FSD2: variants seen among roughly 807,000 people sequenced by gnomAD.
FSD2 encodes fibronectin type III and SPRY domain containing 2, also known as fibronectin type III and SPRY domain-containing protein 2.
Under a neutral mutation model 80.4 loss-of-function variants are expected in FSD2, and 71 were observed. The ratio of observed to expected loss-of-function variants is 0.88; its 90% confidence interval spans 0.73 to 1.08. The LOEUF (loss-of-function observed/expected upper bound fraction) is 1.08, where lower values mean the gene tolerates loss of function less well. Among genes scored for constraint, FSD2 ranks in the 50% least tolerant of loss-of-function variants. The pLI, the probability that FSD2 is intolerant of heterozygous loss-of-function variation, is 0.00. For missense variants in FSD2, 923 were observed against 913.8 expected (o/e 1.01, Z -0.13); for synonymous variants, 361 against 329.5 (o/e 1.10, Z -1.03).
chr15:82,791,060 G>A lies in FSD2; in HGVS notation c.-78-3592C>T, dbSNP rs996490111. Among the ~76,000 whole-genome samples the A allele has an allele frequency of 9.7e-5, 14 of 144,906 alleles. No homozygotes were observed. The East Asian group carries it at 1.3e-3, about 13-fold the overall frequency. On this transcript the variant is annotated intron_variant, in intron 1 of 12. Coordinates refer to ENST00000334574, the MANE Select transcript of FSD2 (RefSeq NM_001007122.4). ...GTCACCCAGGCTGGAGTGCAGTGGCGCGATCTTAGCTCACTGCAAGCTCCG... is the reference window on the plus strand; with the variant it reads ...GTCACCCAGGCTGGAGTGCAGTGGCACGATCTTAGCTCACTGCAAGCTCCG...
intron 12 of FSD2, among the ~76,000 whole-genome samples, chr15:82,761,128 G>A (rs2049287695): frequency 6.6e-6 from 1 of 152,176 alleles, no homozygotes; most frequent in Non-Finnish European, 1.5e-5. Flanking sequence ...GCTTGGGCAT[G>A]ACACATAATG....
Position 82,762,239 on chromosome 15 carries a change from C to T in FSD2, c.1860G>A (p.Gly620=). ...CCACCTCCACCTCCCAGTAATGGTG[C>T]CCTCGGACTGGAATTAGATTTCCCA... ...AVMGNLIPVR[G]HHYWEVEVDE... Residue 620 remains glycine (G), a synonymous_variant, in exon 12 of 13, where the codon GGG becomes GGA. Transcript: ENST00000334574. The T allele has an allele frequency of 6.2e-7, 1 of 1,613,916 alleles. No homozygotes were observed. The highest frequency in any genetic ancestry group is 8.5e-7 in the Non-Finnish European group (1 of 1,179,860).
intron 5 of FSD2, among the ~76,000 whole-genome samples, chr15:82,780,009 C>T (rs1203693588): frequency 6.6e-6 from 1 of 152,098 alleles, no homozygotes; most frequent in Non-Finnish European, 1.5e-5. Flanking sequence ...GAGCTGCCCA[C>T]AGGCTTGCTG....
Position 82,786,799 on chromosome 15 carries a change from T to C in FSD2, c.592A>G (p.Lys198Glu), listed in dbSNP as rs371830420. ...TTGAGTGGGATCACTTCATGCTCCT[T>C]ATGTTCATCAAAAACCTTCTGAAAA... ...RAFQKVFDEHKEHEVIPLNEA... is the reference protein window; with the variant it reads ...RAFQKVFDEHEEHEVIPLNEA... The change falls in exon 2 of 13, where the codon AAG (lysine) becomes GAG (glutamate). Residue 198 changes from lysine (K) to glutamate (E), a missense_variant. Transcript: ENST00000334574. 6.2e-7 allele frequency: 1 copy of C among 1,613,922 alleles called. No homozygotes were observed. Among genetic ancestry groups the C allele is most frequent in the African/African-American group, 1.3e-5 (1 of 74,930 alleles).
rs1025913605 is a variant in FSD2 at position 82,765,425 on chromosome 15, C to T, written c.1688-127G>A. On this transcript the variant is annotated intron_variant, in intron 10 of 12. Transcript: ENST00000334574. ...TGGACCTGGCCTAGTAATAGGCGTCCAGTTAACAAGGATGGCAATTGACAC... is the reference window on the plus strand; with the variant it reads ...TGGACCTGGCCTAGTAATAGGCGTCTAGTTAACAAGGATGGCAATTGACAC... 5.8e-6 allele frequency: 7 copies of T among 1,199,424 alleles called. No homozygotes were observed. In the African/African-American group the frequency reaches 9.3e-5, roughly 16 times the overall value. The allele number at this position is 1,199,424 out of a possible 1,614,324, so 74.3% of individuals were successfully genotyped here. A position where few individuals can be genotyped will look rare whatever the true frequency, so the allele number is the denominator to read the frequency against.
rs1344418130 is a variant in FSD2, at chr15:82,772,130, T to C, written c.1210A>G (p.Ser404Gly). Residue 404 changes from serine to glycine, a missense_variant, in exon 7 of 13, where the codon AGC (serine) becomes GGC (glycine). Transcript: ENST00000334574. ...WSLYSDDTVE[S>G]YQLSYRPVQD... ...ACTGGCCGGTAGGACAGCTGATAGC[T>C]CTCCACAGTGTCGTCGGAGTATAAG... is the stretch of plus-strand genomic sequence containing the variant. 6.2e-7 allele frequency: 1 copy of C among 1,609,368 alleles called. No individual in the cohort carries two copies. Among genetic ancestry groups the C allele is most frequent in the South Asian group, 1.1e-5 (1 of 90,058 alleles).
intron 6 of FSD2, among the ~76,000 whole-genome samples, chr15:82,773,019 G>T (rs1335402796): frequency 6.6e-6 from 1 of 152,100 alleles, no homozygotes; most frequent in African/African-American, 2.4e-5. Context: ...GCTAGTTTTT[G>T]TATTTTTAGT....
In FSD2 at chr15:82,798,133, G is replaced by A. The variant is rs538523966; in HGVS notation, c.-79+7833C>T. ...GTGGGAGGACCACTTGAGCTTAGGA[G>A]TTCGAGACCAGCCTGGGCAACAAAA... On this transcript the variant is annotated intron_variant, in intron 1 of 12. Coordinates refer to ENST00000334574, the MANE Select transcript of FSD2 (RefSeq NM_001007122.4). Among the ~76,000 whole-genome samples, 70 of 152,036 alleles carry A rather than the reference G, an allele frequency of 4.6e-4. 4 individuals are homozygous for A. In the South Asian group the frequency reaches 0.014, roughly 31 times the overall value.
chr15:82,777,230 C>T (rs1037940644), intron 6 of FSD2, among the ~76,000 whole-genome samples: 5 of 152,162 alleles, frequency 3.3e-5, no homozygotes, highest in Admixed American at 6.5e-5. Flanking sequence ...AATGGCACTA[C>T]ATCATACTAA....
intron 7 of FSD2, among the ~76,000 whole-genome samples, chr15:82,771,841 A>G (rs563721727): frequency 7.9e-5 from 12 of 152,206 alleles, no homozygotes; most frequent in Admixed American, 1.3e-4. Flanking sequence ...CTCTGACCCA[A>G]TGGCTGTAGA....
chr15:82,798,665 T>G (rs1207304567), intron 1 of FSD2, among the ~76,000 whole-genome samples: 1 of 152,186 alleles, frequency 6.6e-6, no homozygotes, highest in Non-Finnish European at 1.5e-5. Context: ...GTGATCAAAG[T>G]TAGCAGCCAG....
chr15:82,792,270 C>T (rs915555586), intron 1 of FSD2, among the ~76,000 whole-genome samples: 1 of 152,188 alleles, frequency 6.6e-6, no homozygotes, highest in African/African-American at 2.4e-5. Context: ...ACATTCTTGT[C>T]AGCACTTGTT....
intron 6 of FSD2, among the ~76,000 whole-genome samples, 159 bp downstream of exon 6, chr15:82,778,607 G>C (rs150959055): frequency 6.6e-6 from 1 of 152,254 alleles, no homozygotes; most frequent in East Asian, 1.9e-4. Flanking sequence ...AAGTTCTAGA[G>C]GTATGCTGTA....
Position 82,786,780 on chromosome 15 carries a change from G to A in FSD2, c.611C>T (p.Pro204Leu). 1.2e-6 allele frequency: 2 copies of A among 1,613,840 alleles called. No homozygotes were observed. The highest frequency in any genetic ancestry group is 1.7e-6 in the Non-Finnish European group (2 of 1,179,802). ...FDEHKEHEVI[P>L]LNEALESAKD... ...GGCACTTTCCAGTGCTTCATTGAGT[G>A]GGATCACTTCATGCTCCTTATGTTC... Residue 204 changes from proline to leucine, a missense_variant, in exon 2 of 13, where the codon CCA becomes CTA. By Grantham distance (98) the Pro-to-Leu change is moderately conservative. Coordinates refer to ENST00000334574, the MANE Select transcript of FSD2 (RefSeq NM_001007122.4).
At chr15:82,796,006 T>C (rs796135054) in intron 1 of FSD2, among the ~76,000 whole-genome samples, 29 of 146,222 alleles carry the variant, frequency 2.0e-4, no homozygotes, top group South Asian at 1.5e-3. Context: ...TTTTCTTTTT[T>C]TTTTTTTTTT....
At chr15:82,802,361 C>T (rs979539412) in intron 1 of FSD2, among the ~76,000 whole-genome samples, 7 of 152,144 alleles carry the variant, frequency 4.6e-5, no homozygotes, top group African/African-American at 1.4e-4. Context: ...AGTTCCCTTC[C>T]AGCTATGGAA....
Position 82,762,176 on chromosome 15 carries a change from T to C in FSD2, c.1923A>G (p.Ala641=). 6.2e-7 allele frequency: 1 copy of C among 1,613,572 alleles called. No individual in the cohort carries two copies. The highest frequency in any genetic ancestry group is 8.5e-7 in the Non-Finnish European group (1 of 1,179,758). ...CCAGATCCTCCTGTTTACGGACATCTGCAAAGGCCACACCAACTCTGTAGT... is the reference window on the plus strand; with the variant it reads ...CCAGATCCTCCTGTTTACGGACATCCGCAAAGGCCACACCAACTCTGTAGT... The part of the protein sequence containing the change: ...HLDYRVGVAF[A]DVRKQEDLGA... Residue 641 remains alanine (A), a synonymous_variant, in exon 12 of 13, where the codon GCA becomes GCG. Transcript: ENST00000334574.
intron 12 of FSD2, 139 bp from the exon 13 acceptor site, chr15:82,759,739 A>G: frequency 1.5e-6 from 1 of 673,964 alleles, no homozygotes; most frequent in East Asian, 2.8e-5. Flanking sequence ...GTGACAAGCC[A>G]TTTCTAAAAC....
At chr15:82,803,509 G>T (rs2050461381) in intron 1 of FSD2, among the ~76,000 whole-genome samples, 1 of 152,022 alleles carries the variant, frequency 6.6e-6, no homozygotes, top group South Asian at 2.1e-4. Flanking sequence ...GGTCTTCCAT[G>T]TGAGACTCAC....
Sources: gnomAD v4.1 joint callset for allele counts (sites outside exome capture counted in the v4.1 genomes callset) on GRCh38, gnomAD v4.1.1 for gene constraint, MANE v1.5 for transcripts, NCBI Gene and HGNC (gene_info 2026-07-23, HGNC 2026-07-21) for gene names.